Variants in PIAS2 observed in about 807,000 individuals in gnomAD.
The protein encoded by PIAS2 is protein inhibitor of activated STAT 2.
Under a neutral mutation model 69.7 loss-of-function variants are expected in PIAS2, and 19 were observed. The ratio of observed to expected loss-of-function variants is 0.27; its 90% CI spans 0.19 to 0.40. The LOEUF is 0.40. Among genes scored for constraint, PIAS2 ranks in the 10% least tolerant of loss-of-function variants. The pLI, the probability that PIAS2 is intolerant of heterozygous loss-of-function variation, is 1.00. For missense variants in PIAS2, 624 were observed against 757.0 expected (o/e 0.82, Z 2.06); for synonymous variants, 261 against 263.2 (o/e 0.99, Z 0.08).
intron 2 of PIAS2, among the ~76,000 whole-genome samples, chr18:46,880,089 TAA>T (rs58230183): frequency 6.4e-4 from 71 of 110,284 alleles, no homozygotes; most frequent in Admixed American, 1.1e-3. Context: ...TTTACCACAG[TAA>T]AAAAAAAAAA....
chr18:46,851,450 T>C (rs2046954684), intron 5 of PIAS2, among the ~76,000 whole-genome samples: 1 of 152,198 alleles, frequency 6.6e-6, no homozygotes. Context: ...AAGAGGGCCT[T>C]TTTCTTTCTT....
chr18:46,870,205 C>T (rs989549995), intron 2 of PIAS2, among the ~76,000 whole-genome samples: 2 of 152,268 alleles, frequency 1.3e-5, no homozygotes, highest in Non-Finnish European at 2.9e-5. Flanking sequence ...CTTTTCCCCT[C>T]CACCTCTAAG....
chr18:46,825,470 C>T (rs909157888), intron 11 of PIAS2, among the ~76,000 whole-genome samples: 4 of 152,174 alleles, frequency 2.6e-5, no homozygotes, highest in Non-Finnish European at 4.4e-5. Context: ...TTAAGAACTA[C>T]AAGGTGGGTA....
At chr18:46,834,497 A>C (rs189659634) in intron 9 of PIAS2, among the ~76,000 whole-genome samples, 1 of 152,358 alleles carries the variant, frequency 6.6e-6, no homozygotes, top group Non-Finnish European at 1.5e-5. Context: ...AGATATTATA[A>C]TGACCAATAT....
chr18:46,823,585 A>G (rs1415563267), intron 11 of PIAS2, among the ~76,000 whole-genome samples: 1 of 152,188 alleles, frequency 6.6e-6, no homozygotes. Flanking sequence ...TAAATGAGTA[A>G]ATAGCTACTC....
chr18:46,848,134 T>C (rs2046421424), intron 5 of PIAS2, among the ~76,000 whole-genome samples: 1 of 152,186 alleles, frequency 6.6e-6, no homozygotes, highest in Admixed American at 6.5e-5. Context: ...CACATGACAC[T>C]CTCCTATGTG....
At position 46,910,215 on chromosome 18, in the gene PIAS2, G is replaced by A. The variant is rs117647727; in HGVS notation, c.24+7107C>T. Among the ~76,000 whole-genome samples the A allele has an allele frequency of 2.1e-3, 324 of 152,070 alleles. 5 individuals are homozygous for A. Among genetic ancestry groups the A allele is most frequent in the East Asian group, 0.017 (88 of 5,182 alleles). Reference sequence around the variant, plus strand: ...TATGTATATATGTTAAAAGTATAAAGACAGACCAGGAATGATGAATCCAAA... The same window carrying A: ...TATGTATATATGTTAAAAGTATAAAAACAGACCAGGAATGATGAATCCAAA... On this transcript the variant is annotated intron_variant, in intron 1 of 13. Transcript: ENST00000585916.
At chr18:46,816,884 A>C (rs541378291) in intron 12 of PIAS2, 4 of 947,382 alleles carry the variant, frequency 4.2e-6, no homozygotes, top group Non-Finnish European at 5.0e-6. Context: ...TATTAAAATG[A>C]TAATAGGTGA....
chr18:46,847,997 T>C (rs528656263), intron 5 of PIAS2, among the ~76,000 whole-genome samples: 2 of 152,278 alleles, frequency 1.3e-5, no homozygotes, highest in South Asian at 2.1e-4. Context: ...TTATGTACTA[T>C]TGAGAAAGAG....
At chr18:46,912,514 A>G (rs1240679057) in intron 1 of PIAS2, among the ~76,000 whole-genome samples, 2 of 152,202 alleles carry the variant, frequency 1.3e-5, no homozygotes, top group Non-Finnish European at 2.9e-5. Flanking sequence ...ACAGACATGA[A>G]GGGCCAAATA....
Position 46,855,588 on chromosome 18 carries a change from A to C in PIAS2, c.612T>G (p.Asp204Glu). ...SRDFLPGGRR[D>E]YTVQVQLRLC... Reference sequence around the variant, plus strand: ...ACCTCAACTGAACTTGGACTGTATAATCTCTCCTACCACCTGGCAAAAAAT... The same window carrying C: ...ACCTCAACTGAACTTGGACTGTATACTCTCTCCTACCACCTGGCAAAAAAT... The change falls in exon 4 of 14, where the codon GAT becomes GAG. Residue 204 changes from aspartate (D) to glutamate (E), a missense_variant. Transcript: ENST00000585916. 1 of 1,613,778 alleles carries C rather than the reference A, an allele frequency of 6.2e-7. No individual in the cohort carries two copies. Among genetic ancestry groups the C allele is most frequent in the Non-Finnish European group, 8.5e-7 (1 of 1,179,740 alleles).
chr18:46,837,451 CT>C (rs1295194293), intron 8 of PIAS2, among the ~76,000 whole-genome samples: 1 of 151,992 alleles, frequency 6.6e-6, no homozygotes, highest in African/African-American at 2.4e-5. Context: ...GGTTATTAAT[CT>C]TTTGTTATCT....
chr18:46,919,007 ATGTGTGTGTGTG>A (rs112427539), upstream of PIAS2, among the ~76,000 whole-genome samples: 1 of 143,218 alleles, frequency 7.0e-6, no homozygotes, highest in Non-Finnish European at 1.5e-5. Context: ...ATATATATAT[ATGTGTGTGTGTG>A]TGTGTGTGTG....
intron 1 of PIAS2, among the ~76,000 whole-genome samples, chr18:46,895,158 GA>G (rs2054649755): frequency 6.6e-6 from 1 of 151,864 alleles, no homozygotes; most frequent in East Asian, 1.9e-4. Context: ...ATTTCCCTGA[GA>G]TTGCTCTTCA....
At chr18:46,840,342 G>A (rs1011597285) in intron 8 of PIAS2, among the ~76,000 whole-genome samples, 5 of 152,072 alleles carry the variant, frequency 3.3e-5, no homozygotes, top group African/African-American at 4.8e-5. Flanking sequence ...GGTAACCCAC[G>A]TTAAACATCA....
rs1395792299 is a variant in PIAS2, at chr18:46,804,532, G to A, written c.*7901C>T. 6.6e-6 allele frequency: 1 copy of A among 152,056 alleles called. No homozygotes were observed. The highest frequency in any genetic ancestry group is 2.4e-5 in the African/African-American group (1 of 41,412). The allele number at this position is 152,056 out of a possible 1,614,324, so 9.4% of individuals were successfully genotyped here. ...GAAAACTCTTCAATGTCTCATCACTGTTTTACAAGGCCCTTCACGATCTAT... is the reference window on the plus strand; with the variant it reads ...GAAAACTCTTCAATGTCTCATCACTATTTTACAAGGCCCTTCACGATCTAT... On this transcript the variant is annotated 3_prime_UTR_variant, in exon 14 of 14. Transcript: ENST00000585916.
At chr18:46,891,207 T>C (rs1429598636) in intron 1 of PIAS2, 153 bp from the exon 2 acceptor site, 2 of 693,688 alleles carry the variant, frequency 2.9e-6, no homozygotes, top group Non-Finnish European at 5.2e-6. Context: ...ATCATTACCA[T>C]TCATAAGACA....
At chr18:46,896,541 C>A (rs72913096) in intron 1 of PIAS2, among the ~76,000 whole-genome samples, 1 of 152,110 alleles carries the variant, frequency 6.6e-6, no homozygotes, top group Non-Finnish European at 1.5e-5. Flanking sequence ...AAAATACATA[C>A]GTGTTAGAAG....
intron 8 of PIAS2, among the ~76,000 whole-genome samples, chr18:46,839,507 C>T (rs564973674): frequency 2.0e-5 from 3 of 152,100 alleles, no homozygotes; most frequent in Non-Finnish European, 4.4e-5. Context: ...TTTAAAATAA[C>T]GTTCTAACTC....
Sources: allele counts gnomAD v4.1 joint callset (sites outside exome capture counted in the v4.1 genomes callset), GRCh38; gene constraint gnomAD v4.1.1; transcripts MANE v1.5; gene names NCBI Gene and HGNC (gene_info 2026-07-23, HGNC 2026-07-21).